The following MROH1 variants were observed in gnomAD, a reference collection of about 807,000 sequenced individuals.
MROH1 encodes the protein maestro heat-like repeat-containing protein family member 1.
In MROH1, 117 loss-of-function variants were observed where a neutral mutation model predicts 116.5. That is an observed-to-expected ratio of 1.00 (90% CI 0.86 to 1.17). The LOEUF (loss-of-function observed/expected upper bound fraction) is 1.17, where lower values mean the gene tolerates loss of function less well. Ranked by LOEUF, MROH1 falls within the 50% of genes most tolerant of loss-of-function variation. The probability of loss-of-function intolerance (pLI) is 0.00; values close to 1 mark genes in which losing one functional copy is unlikely to be tolerated. For missense variants in MROH1, 1,873 were observed against 1,338.5 expected (o/e 1.40, Z -6.23); for synonymous variants, 921 against 583.9 (o/e 1.58, Z -8.32).
chr8:144,259,873 C>T (rs1455469255), intron 37 of MROH1, 38 bp from the exon 38 acceptor site: 4 of 720,786 alleles, frequency 5.5e-6, no homozygotes, highest in Non-Finnish European at 1.0e-5. Context: ...GCCCTGGGGT[C>T]AGCGGGGAGA....
rs1387153563 is a variant in MROH1, at chr8:144,179,490, C to T, written c.204C>T (p.Ala68=). Residue 68 remains alanine, a synonymous_variant, in exon 5 of 44, where the codon GCC becomes GCT. Coordinates refer to ENST00000326134, the MANE Select transcript of MROH1 (RefSeq NM_032450.3). ...AHPYRAAVLR[A]MERVLSSRAS... is the part of the protein sequence containing the mutation. ...CATACCGAGCAGCGGTCCTGAGGGCCATGGAGAGGGTCCTGAGCAGTCGCG... is the reference window on the plus strand; with the variant it reads ...CATACCGAGCAGCGGTCCTGAGGGCTATGGAGAGGGTCCTGAGCAGTCGCG... 6.2e-7 allele frequency: 1 copy of T among 1,613,452 alleles called. No homozygotes were observed. The highest frequency in any genetic ancestry group is 1.3e-5 in the African/African-American group (1 of 74,880).
At chr8:144,175,481 C>T in intron 4 of MROH1, 3 of 985,226 alleles carry the variant, frequency 3.0e-6, no homozygotes, top group Non-Finnish European at 3.6e-6. Context: ...TCAATTCTTT[C>T]CTCCCCAGTT....
At chr8:144,175,519 G>C (rs773458380) in intron 4 of MROH1, 2 of 985,336 alleles carry the variant, frequency 2.0e-6, no homozygotes, top group South Asian at 4.7e-5. Context: ...GTGCTGCCCC[G>C]GCAGTTAATC....
At chr8:144,236,162 G>A (rs1274502884) in intron 14 of MROH1, among the ~76,000 whole-genome samples, 2 of 152,204 alleles carry the variant, frequency 1.3e-5, no homozygotes, top group African/African-American at 4.8e-5. Context: ...AAAGAATTGA[G>A]ACCAGTTATT....
chr8:144,218,984 A>G (rs187903347), intron 12 of MROH1, among the ~76,000 whole-genome samples: 16 of 138,584 alleles, frequency 1.2e-4, no homozygotes, highest in African/African-American at 4.0e-4. Flanking sequence ...ATAGGTGTGC[A>G]CTACTACCCT....
At chr8:144,156,955 G>T (rs1818304036) in intron 1 of MROH1, among the ~76,000 whole-genome samples, 1 of 149,290 alleles carries the variant, frequency 6.7e-6, no homozygotes, top group East Asian at 2.0e-4. Context: ...GCTAATTTTT[G>T]TATTAGTATT....
In MROH1 at chr8:144,220,730, G is replaced by A. The variant is rs1836540167; in HGVS notation, c.1215+57G>A. The A allele has an allele frequency of 2.0e-6, 3 of 1,486,084 alleles. No homozygotes were observed. The African/African-American group carries it at 4.2e-5, about 21-fold the overall frequency. 92.1% of individuals were successfully genotyped at this position (1,486,084 alleles called of 1,614,324 possible). ...ACCACACCACAGGCAGCTGCAGGGT[G>A]TGGCCAGGCTGTGCTGTGAGATCAC... On this transcript the variant is annotated intron_variant, in intron 13 of 43. Transcript: ENST00000326134.
chr8:144,215,960 G>A (rs529232060), intron 12 of MROH1, among the ~76,000 whole-genome samples: 4 of 151,940 alleles, frequency 2.6e-5, no homozygotes, highest in South Asian at 2.1e-4. Context: ...GCCGAGGCAC[G>A]GATCACCTGC....
rs1435746271 is a variant in MROH1 at position 144,199,149 on chromosome 8, C to G, written c.976C>G (p.Pro326Ala). Residue 326 changes from proline to alanine, a missense_variant, in exon 11 of 44, where the codon CCC becomes GCC. Transcript: ENST00000326134. ...CTGTGTGCCTGTGGAGTCCTCAAGC[C>G]CCCTGGTGATGAGTAACCAGAAGGA... is the stretch of plus-strand genomic sequence containing the variant. ...QICVPVESSS[P>A]LVMSNQKEVL... The G allele has an allele frequency of 1.2e-6, 2 of 1,613,660 alleles. No homozygotes were observed. Among genetic ancestry groups the G allele is most frequent in the African/African-American group, 2.7e-5 (2 of 74,916 alleles).
rs1825384084 is a variant in MROH1, at chr8:144,180,656, C to T, written c.562+133C>T. Reference sequence around the variant, plus strand: ...GGGGGGCTGTTGGAGGGAGGGGCCCCCTGGCTGAGGCTGCTGGCTGGTTGG... The same window carrying T: ...GGGGGGCTGTTGGAGGGAGGGGCCCTCTGGCTGAGGCTGCTGGCTGGTTGG... On this transcript the variant is annotated intron_variant, in intron 7 of 43. Coordinates refer to ENST00000326134, the MANE Select transcript of MROH1 (RefSeq NM_032450.3). The surrounding 1 kb of genome is among the most constrained non-coding windows in gnomAD (Gnocchi z 7.4). The T allele has an allele frequency of 3.7e-6, 3 of 820,958 alleles. No homozygotes were observed. In the South Asian group the frequency reaches 5.4e-5, roughly 15 times the overall value. 50.9% of individuals were successfully genotyped at this position (820,958 alleles called of 1,614,324 possible).
intron 2 of MROH1, among the ~76,000 whole-genome samples, chr8:144,161,420 A>G (rs765397134): frequency 5.3e-4 from 80 of 152,134 alleles, no homozygotes; most frequent in Non-Finnish European, 8.8e-4. Flanking sequence ...TTTCTCTGGT[A>G]TGAGAGACTG....
chr8:144,247,811 C>G (rs1376335458), intron 31 of MROH1, 132 bp downstream of exon 31: 4 of 685,586 alleles, frequency 5.8e-6, no homozygotes, highest in Non-Finnish European at 8.0e-6. Flanking sequence ...TGAGCAGGGC[C>G]TGGGTGTTTG....
intron 14 of MROH1, among the ~76,000 whole-genome samples, chr8:144,224,408 A>G (rs1473875043): frequency 6.6e-6 from 1 of 152,118 alleles, no homozygotes; most frequent in Non-Finnish European, 1.5e-5. Context: ...CTGGGACTAC[A>G]GGCTCATGCC....
chr8:144,201,613 G>A (rs954532197), intron 12 of MROH1, among the ~76,000 whole-genome samples: 6 of 152,184 alleles, frequency 3.9e-5, no homozygotes, highest in African/African-American at 7.2e-5. Context: ...CAGAAGCGGC[G>A]CACTGCCCCC....
chr8:144,235,236 TG>T (rs764398296), intron 14 of MROH1, among the ~76,000 whole-genome samples: 9 of 152,236 alleles, frequency 5.9e-5, no homozygotes, highest in Non-Finnish European at 1.0e-4. Flanking sequence ...ACTGCAACCT[TG>T]TTGAACTTGC....
chr8:144,250,304 G>A lies in MROH1; in HGVS notation c.3366G>A (p.Leu1122=). 1 of 767,824 alleles carries A rather than the reference G, an allele frequency of 1.3e-6. No homozygotes were observed. Among genetic ancestry groups the A allele is most frequent in the Non-Finnish European group, 2.4e-6 (1 of 415,676 alleles). The allele number at this position is 767,824 out of a possible 1,614,324, so 47.6% of individuals were successfully genotyped here. Residue 1122 remains leucine (L), a synonymous_variant, in exon 33 of 44, where the codon CTG becomes CTA. Coordinates refer to ENST00000326134, the MANE Select transcript of MROH1 (RefSeq NM_032450.3). ...CCGCCCAGCACAGCGTGTACCTCCT[G>A]GCCACCCAGCACTGCGCAGCCGTGG... ...LPAAQHSVYL[L]ATQHCAAVVS...
At chr8:144,184,336 T>C (rs1391719117) in intron 7 of MROH1, among the ~76,000 whole-genome samples, 1 of 152,064 alleles carries the variant, frequency 6.6e-6, no homozygotes, top group Non-Finnish European at 1.5e-5. Flanking sequence ...GAGCGCAGGG[T>C]CTCGGCTCTG....
rs768461418 is a variant in MROH1 at position 144,190,850 on chromosome 8, C to T, written c.629C>T (p.Thr210Met). The change falls in exon 8 of 44, where the codon ACG becomes ATG. Residue 210 changes from threonine to methionine, a missense_variant. Physicochemically the swap from Thr to Met is moderately conservative, Grantham distance 81. Transcript: ENST00000326134. ...AACCTGGACCGAGCCCCAGACCCCA[C>T]GGTCAGGAAGGACGCCTTTGCCACC... is the stretch of plus-strand genomic sequence containing the variant. ...LANLDRAPDP[T>M]VRKDAFATDI... The T allele has an allele frequency of 9.3e-6, 15 of 1,613,722 alleles. No individual in the cohort carries two copies. In the African/African-American group the frequency reaches 1.1e-4, roughly 11 times the overall value.
At chr8:144,211,663 C>T (rs6558324) in intron 12 of MROH1, among the ~76,000 whole-genome samples, 150,128 of 151,894 alleles carry the variant, frequency 0.99, 74,211 homozygotes, top group East Asian at 1. Context: ...GAGACAGAGG[C>T]TGCAGTGAGC....
Sources: allele counts gnomAD v4.1 joint callset (sites outside exome capture counted in the v4.1 genomes callset), GRCh38; gene constraint gnomAD v4.1.1; non-coding constraint Gnocchi (gnomAD v3.1); transcripts MANE v1.5; gene names NCBI Gene and HGNC (gene_info 2026-07-23, HGNC 2026-07-21).